The following INPP5A variants were observed in gnomAD, a reference collection of about 807,000 sequenced individuals.
The protein encoded by INPP5A is inositol polyphosphate-5-phosphatase A, also known as 43 kDa inositol polyphosphate 5-phophatase.
In INPP5A, 14 loss-of-function variants were observed where a neutral mutation model predicts 65.2. The ratio of observed to expected loss-of-function variants is 0.21; its 90% CI spans 0.14 to 0.34. INPP5A has a LOEUF of 0.34. INPP5A is among the 10% of genes least tolerant of loss of function. INPP5A has a pLI of 1.00. For missense variants in INPP5A, 431 were observed against 545.6 expected, an observed-to-expected ratio of 0.79 and a Z score of 2.09; for synonymous variants, 207 against 208.3, an observed-to-expected ratio of 0.99 and a Z score of 0.05.
rs1018720158 is a variant in INPP5A at position 132,637,124 on chromosome 10, G to C, written c.118-8744G>C. Among the ~76,000 whole-genome samples, 1 of 152,172 alleles carries C rather than the reference G, an allele frequency of 6.6e-6. No homozygotes were observed. Among genetic ancestry groups the C allele is most frequent in the African/African-American group, 2.4e-5 (1 of 41,442 alleles). ...GTAGAGACGGGGTTTGACCATGTTG[G>C]CCAGGATGGTCTTGATCTCCTGACC... On this transcript the variant is annotated intron_variant, in intron 2 of 15. Transcript: ENST00000368594. This position sits in a 1 kb window ranked among gnomAD's most constrained non-coding sequence, Gnocchi z 4.1.
At chr10:132,754,677 T>G (rs1485989246) in intron 11 of INPP5A, among the ~76,000 whole-genome samples, 1 of 152,250 alleles carries the variant, frequency 6.6e-6, no homozygotes. Context: ...CTTGGTCCAC[T>G]GAGCAGTCCT....
At chr10:132,726,783 T>C (rs1434407986) in intron 8 of INPP5A, 38 bp from the exon 9 acceptor site, 1 of 1,502,612 alleles carries the variant, frequency 6.7e-7, no homozygotes, top group Non-Finnish European at 9.2e-7. Flanking sequence ...CTGGCCGGCT[T>C]CAGCGCCCTC....
intron 8 of INPP5A, among the ~76,000 whole-genome samples, chr10:132,718,710 G>A (rs1845795654): frequency 6.7e-6 from 1 of 149,806 alleles, no homozygotes; most frequent in African/African-American, 2.5e-5. Flanking sequence ...TTAGACGGTT[G>A]TCTGGCGGGT....
At chr10:132,761,008 T>A (rs1442106219) in intron 11 of INPP5A, among the ~76,000 whole-genome samples, 1 of 152,232 alleles carries the variant, frequency 6.6e-6, no homozygotes, top group Non-Finnish European at 1.5e-5. Context: ...TGCATCCGCA[T>A]AATATAAATA....
At chr10:132,684,584 C>T (rs1020252734) in intron 4 of INPP5A, among the ~76,000 whole-genome samples, 1 of 152,210 alleles carries the variant, frequency 6.6e-6, no homozygotes, top group Non-Finnish European at 1.5e-5. Flanking sequence ...CTCATGTCTT[C>T]AGCAGTCACT....
intron 1 of INPP5A, among the ~76,000 whole-genome samples, chr10:132,541,876 G>T (rs1230160343): frequency 6.6e-6 from 1 of 152,264 alleles, no homozygotes; most frequent in African/African-American, 2.4e-5. Context: ...GGCTTATGCA[G>T]ACTGCCAGAT....
In INPP5A at chr10:132,572,237, A is replaced by G. The variant is rs539085155; in HGVS notation, c.75+34066A>G. Among the ~76,000 whole-genome samples the G allele has an allele frequency of 3.2e-4, 49 of 152,340 alleles. No individual in the cohort carries two copies. In the East Asian group the frequency reaches 3.3e-3, roughly 10 times the overall value. ...ACTCAGAGGAAAACGCCTGTGGCCC[A>G]TGGGGGGGCCTTCAGAAGAATGTCG... On this transcript the variant is annotated intron_variant, in intron 1 of 15. Coordinates refer to ENST00000368594, the MANE Select transcript of INPP5A (RefSeq NM_005539.5).
intron 1 of INPP5A, among the ~76,000 whole-genome samples, chr10:132,559,472 A>T (rs561293594): frequency 6.6e-6 from 1 of 152,354 alleles, no homozygotes; most frequent in South Asian, 2.1e-4. Context: ...CCTCTGAAAG[A>T]AACCCAGTAC....
At chr10:132,766,874 G>GGACACAGGCTTTCC in intron 12 of INPP5A, among the ~76,000 whole-genome samples, 1 of 151,480 alleles carries the variant, frequency 6.6e-6, no homozygotes, top group East Asian at 2.0e-4. Flanking sequence ...GGGAGCCTGG[G>GGACACAGGCTTTCC]TGGGAGCTGG....
chr10:132,676,887 C>T lies in INPP5A; in HGVS notation c.307-13505C>T, dbSNP rs2072971421. On this transcript the variant is annotated intron_variant, in intron 4 of 15. Transcript: ENST00000368594. This position sits in a 1 kb window ranked among gnomAD's most constrained non-coding sequence, Gnocchi z 4.0. ...GCTCCTCCTTGGCAAGCTGAGTCTT[C>T]CCCAGCTTTGAGGCCCATCCACATG... Among the ~76,000 whole-genome samples the T allele has an allele frequency of 1.3e-5, 2 of 152,240 alleles. No homozygotes were observed. Among genetic ancestry groups the T allele is most frequent in the Admixed American group, 1.3e-4 (2 of 15,290 alleles).
chr10:132,584,085 G>GAACAAACA (rs372417778), intron 1 of INPP5A, among the ~76,000 whole-genome samples: 2 of 152,184 alleles, frequency 1.3e-5, no homozygotes, highest in African/African-American at 4.8e-5. Flanking sequence ...TGCGTCTCCA[G>GAACAAACA]AACAAACAAA....
intron 8 of INPP5A, among the ~76,000 whole-genome samples, chr10:132,725,114 G>A (rs1845963416): frequency 6.6e-6 from 1 of 152,262 alleles, no homozygotes; most frequent in African/African-American, 2.4e-5. Flanking sequence ...AAGAGAAAAG[G>A]CCAGGAACCA....
intron 4 of INPP5A, among the ~76,000 whole-genome samples, chr10:132,680,558 C>T (rs1257639847): frequency 2.2e-4 from 34 of 152,254 alleles, no homozygotes; most frequent in Admixed American, 2.1e-3. Flanking sequence ...CCCACTTTGG[C>T]GGCACTGGAG....
chr10:132,550,573 T>C lies in INPP5A; in HGVS notation c.75+12402T>C, dbSNP rs888304342. On this transcript the variant is annotated intron_variant, in intron 1 of 15. Coordinates refer to ENST00000368594, the MANE Select transcript of INPP5A (RefSeq NM_005539.5). This position sits in a 1 kb window ranked among gnomAD's most constrained non-coding sequence, Gnocchi z 4.2. ...TTGACGTGCTGAGAGGGCCTGGCTG[T>C]GAGCCGCATGGTACGAACCTTCTGA... Among the ~76,000 whole-genome samples, 4 of 152,240 alleles carry C rather than the reference T, an allele frequency of 2.6e-5. No individual in the cohort carries two copies. Among genetic ancestry groups the C allele is most frequent in the Non-Finnish European group, 5.9e-5 (4 of 68,040 alleles).
At position 132,570,146 on chromosome 10, in the gene INPP5A, C is replaced by T. The variant is rs567397536; in HGVS notation, c.75+31975C>T. Among the ~76,000 whole-genome samples, 4 of 151,900 alleles carry T rather than the reference C, an allele frequency of 2.6e-5. No individual in the cohort carries two copies. The South Asian group carries it at 6.3e-4, about 24-fold the overall frequency. On this transcript the variant is annotated intron_variant, in intron 1 of 15. Transcript: ENST00000368594. ...ATTTTTAGTAGAGACGGGGTTTCGC[C>T]TTATTGGCCAGGCTGGTCTCAAACT...
intron 1 of INPP5A, among the ~76,000 whole-genome samples, chr10:132,540,565 C>T (rs1429857991): frequency 6.6e-6 from 1 of 152,268 alleles, no homozygotes; most frequent in African/African-American, 2.4e-5. Flanking sequence ...CAGGCACTCA[C>T]ATTCCCAGGC....
rs749141674 is a variant in INPP5A, at chr10:132,782,069, C to T, written c.*40C>T. 31 of 1,555,238 alleles carry T rather than the reference C, an allele frequency of 2.0e-5. No homozygotes were observed. Among genetic ancestry groups the T allele is most frequent in the East Asian group, 9.5e-5 (4 of 41,994 alleles). ...ATGCCAGCGCCACGAGAGGACACTTCGTGAGCCTCCCTGTAGCCGTGGACC... is the reference window on the plus strand; with the variant it reads ...ATGCCAGCGCCACGAGAGGACACTTTGTGAGCCTCCCTGTAGCCGTGGACC... On this transcript the variant is annotated 3_prime_UTR_variant, in exon 16 of 16. Transcript: ENST00000368594. This position sits in a 1 kb window ranked among gnomAD's most constrained non-coding sequence, Gnocchi z 4.4.
rs893106835 is a variant in INPP5A, at chr10:132,547,381, G to C, written c.75+9210G>C. Reference sequence around the variant, plus strand: ...CGTCAGGTGTTCTCGGCGGCCTCTCGGTAACAGCCTGGCCTTTGCTTCTGT... The same window carrying C: ...CGTCAGGTGTTCTCGGCGGCCTCTCCGTAACAGCCTGGCCTTTGCTTCTGT... On this transcript the variant is annotated intron_variant, in intron 1 of 15. Coordinates refer to ENST00000368594, the MANE Select transcript of INPP5A (RefSeq NM_005539.5). The surrounding 1 kb of genome is among the most constrained non-coding windows in gnomAD (Gnocchi z 5.5). 8.5e-5 allele frequency among the ~76,000 whole-genome samples: 13 copies of C among 152,176 alleles called. No individual in the cohort carries two copies. The highest frequency in any genetic ancestry group is 3.1e-4 in the African/African-American group (13 of 41,460).
chr10:132,559,452 G>A (rs2071173049), intron 1 of INPP5A, among the ~76,000 whole-genome samples: 1 of 152,216 alleles, frequency 6.6e-6, no homozygotes, highest in African/African-American at 2.4e-5. Flanking sequence ...ATTTCAGAAT[G>A]TTTTTATCAC....
Sources: allele counts gnomAD v4.1 joint callset (sites outside exome capture counted in the v4.1 genomes callset), GRCh38; gene constraint gnomAD v4.1.1; non-coding constraint Gnocchi (gnomAD v3.1); transcripts MANE v1.5; gene names NCBI Gene and HGNC (gene_info 2026-07-23, HGNC 2026-07-21).